The following TNIK variants were observed in gnomAD, a reference collection of about 807,000 sequenced individuals.
The protein encoded by TNIK is TRAF2 and NCK interacting kinase.
Under a neutral mutation model 191.3 loss-of-function variants are expected in TNIK, and 49 were observed. That is an observed-to-expected ratio of 0.26 (90% CI 0.20 to 0.32). The LOEUF is 0.32. Ranked by LOEUF, TNIK falls within the 10% of genes least tolerant of loss-of-function variation. The pLI, the probability that TNIK is intolerant of heterozygous loss-of-function variation, is 1.00. For missense variants in TNIK, 1,155 were observed against 1,702.3 expected (o/e 0.68, Z 5.66); for synonymous variants, 594 against 600.9 (o/e 0.99, Z 0.17).
At chr3:171,142,351 C>T (rs1385787480) in intron 12 of TNIK, among the ~76,000 whole-genome samples, 5 of 152,026 alleles carry the variant, frequency 3.3e-5, no homozygotes. Flanking sequence ...TCAGCAAAGG[C>T]GGGATGAGAG....
chr3:171,098,953 T>C (rs1576799599), intron 22 of TNIK, among the ~76,000 whole-genome samples: 1 of 152,282 alleles, frequency 6.6e-6, no homozygotes, highest in South Asian at 2.1e-4. Flanking sequence ...GTACCCTTAT[T>C]TTCTCACATA....
chr3:171,190,956 C>G (rs1737994987), intron 5 of TNIK, among the ~76,000 whole-genome samples, 169 bp from the exon 6 acceptor site: 1 of 152,152 alleles, frequency 6.6e-6, no homozygotes, highest in Non-Finnish European at 1.5e-5. Context: ...GTAGGCAATT[C>G]ATCAATATAA....
At chr3:171,107,263 A>G (rs1415713341) in intron 20 of TNIK, 57 bp from the exon 21 acceptor site, 4 of 1,560,218 alleles carry the variant, frequency 2.6e-6, no homozygotes, top group Non-Finnish European at 3.5e-6. Context: ...AAGCCAGCAG[A>G]AAGGCAGCAG....
In TNIK at chr3:171,254,734, G is replaced by A. The variant is rs544327917; in HGVS notation, c.124-26513C>T. On this transcript the variant is annotated intron_variant, in intron 2 of 32. Coordinates refer to ENST00000436636, the MANE Select transcript of TNIK (RefSeq NM_015028.4). ...GCTAAATGGAAATCCTAGTAGTACA[G>A]CATTTATCTATCATTTTGCAATAAT... Among the ~76,000 whole-genome samples the A allele has an allele frequency of 6.6e-5, 10 of 152,232 alleles. No homozygotes were observed. In the South Asian group the frequency reaches 2.1e-3, roughly 32 times the overall value.
chr3:171,211,052 A>G, intron 4 of TNIK, 64 bp downstream of exon 4: 2 of 1,590,838 alleles, frequency 1.3e-6, no homozygotes, highest in South Asian at 2.3e-5. Context: ...AGGATAGAAA[A>G]ATGAACCATT....
intron 2 of TNIK, among the ~76,000 whole-genome samples, chr3:171,242,399 C>A (rs1745096834): frequency 6.6e-6 from 1 of 152,162 alleles, no homozygotes; most frequent in South Asian, 2.1e-4. Flanking sequence ...TCTAACAGCA[C>A]CTGATCTGAA....
chr3:171,058,590 C>A lies in TNIK; in HGVS notation c.*5291G>T, dbSNP rs1717560584. On this transcript the variant is annotated 3_prime_UTR_variant, in exon 33 of 33. Coordinates refer to ENST00000436636, the MANE Select transcript of TNIK (RefSeq NM_015028.4). ...AAGAAAAAAAATACCTGAAAGTAAC[C>A]AAAAGTTTCAGACTGGAAAATATGC... is the stretch of plus-strand genomic sequence containing the variant. 6.6e-6 allele frequency among the ~76,000 whole-genome samples: 1 copy of A among 152,204 alleles called. No homozygotes were observed. Among genetic ancestry groups the A allele is most frequent in the African/African-American group, 2.4e-5 (1 of 41,532 alleles).
chr3:171,119,039 C>A (rs1425975134), intron 18 of TNIK, among the ~76,000 whole-genome samples: 2 of 152,180 alleles, frequency 1.3e-5, no homozygotes, highest in African/African-American at 4.8e-5. Flanking sequence ...TTTTTGCAAT[C>A]TACTTATCTG....
At chr3:171,117,733 G>A (rs570184598) in intron 18 of TNIK, among the ~76,000 whole-genome samples, 10 of 152,160 alleles carry the variant, frequency 6.6e-5, no homozygotes, top group Non-Finnish European at 1.5e-5. Flanking sequence ...CACTTTGGGA[G>A]GCCGAGACAG....
At chr3:171,417,445 A>G (rs914340511) in intron 1 of TNIK, among the ~76,000 whole-genome samples, 27 of 152,094 alleles carry the variant, frequency 1.8e-4, no homozygotes, top group African/African-American at 6.5e-4. Flanking sequence ...ATCTTCACTA[A>G]CCCTCTTCAA....
rs1386233826 is a variant in TNIK, at chr3:171,238,560, G to A, written c.124-10339C>T. Among the ~76,000 whole-genome samples, 6 of 151,988 alleles carry A rather than the reference G, an allele frequency of 3.9e-5. No homozygotes were observed. The East Asian group carries it at 9.7e-4, about 25-fold the overall frequency. On this transcript the variant is annotated intron_variant, in intron 2 of 32. Transcript: ENST00000436636. ...TGACTGCAGCTACTGACAATTAGTG[G>A]GTAGAGGTCAGGGATGCTACTAAAT...
intron 2 of TNIK, among the ~76,000 whole-genome samples, chr3:171,246,556 A>G (rs1216137965): frequency 1.3e-5 from 2 of 152,218 alleles, no homozygotes; most frequent in Non-Finnish European, 2.9e-5. Context: ...GAAAGTATCT[A>G]TTATTTAACA....
chr3:171,102,894 G>C (rs1016137523), intron 21 of TNIK, among the ~76,000 whole-genome samples: 1 of 152,124 alleles, frequency 6.6e-6, no homozygotes, highest in Admixed American at 6.5e-5. Context: ...ATTTTATTTT[G>C]AGAATACAAC....
At chr3:171,190,560 A>G (rs1737927638) in intron 6 of TNIK, 137 bp downstream of exon 6, 1 of 645,168 alleles carries the variant, frequency 1.5e-6, no homozygotes, top group Admixed American at 3.0e-5. Context: ...AAAATAGGCA[A>G]AGAAACATTT....
intron 2 of TNIK, among the ~76,000 whole-genome samples, chr3:171,354,794 G>T (rs1347198927): frequency 6.6e-6 from 1 of 152,136 alleles, no homozygotes; most frequent in Non-Finnish European, 1.5e-5. Flanking sequence ...TCAGAGAGAG[G>T]TAACACCATG....
rs145530180 is a variant in TNIK at position 171,274,374 on chromosome 3, A to G, written c.124-46153T>C. ...AGCCACTCTCTCTCAGGTTGCTTATAGAGACCGAGCCCAGGAAGGACTGGA... is the reference window on the plus strand; with the variant it reads ...AGCCACTCTCTCTCAGGTTGCTTATGGAGACCGAGCCCAGGAAGGACTGGA... On this transcript the variant is annotated intron_variant, in intron 2 of 32. Coordinates refer to ENST00000436636, the MANE Select transcript of TNIK (RefSeq NM_015028.4). 6.8e-4 allele frequency among the ~76,000 whole-genome samples: 104 copies of G among 152,364 alleles called. 2 individuals carry two copies. The highest frequency in any genetic ancestry group is 2.4e-3 in the African/African-American group (99 of 41,586).
intron 1 of TNIK, among the ~76,000 whole-genome samples, chr3:171,443,787 G>A (rs765316815): frequency 1.6e-4 from 25 of 152,236 alleles, no homozygotes; most frequent in South Asian, 6.2e-4. Flanking sequence ...TTGAGCCACT[G>A]CACTCCAGCC....
chr3:171,439,363 G>GA (rs1246584614), intron 1 of TNIK, among the ~76,000 whole-genome samples: 1 of 150,008 alleles, frequency 6.7e-6, no homozygotes, highest in Non-Finnish European at 1.5e-5. Flanking sequence ...AAAAGAAAAA[G>GA]AAAAAAAATT....
chr3:171,421,330 G>A (rs943226564), intron 1 of TNIK, among the ~76,000 whole-genome samples: 12 of 152,260 alleles, frequency 7.9e-5, no homozygotes, highest in African/African-American at 2.9e-4. Context: ...AGCCTGACTG[G>A]CAGAACTGAC....
Sources: allele counts gnomAD v4.1 joint callset (sites outside exome capture counted in the v4.1 genomes callset), GRCh38; gene constraint gnomAD v4.1.1; transcripts MANE v1.5; gene names NCBI Gene and HGNC (gene_info 2026-07-23, HGNC 2026-07-21).